Variants in MYLK observed in about 807,000 individuals in gnomAD.
MYLK encodes the protein myosin light chain kinase, smooth muscle.
MYLK carries 106 observed loss-of-function variants against 203.4 expected under a neutral mutation model. That is an observed-to-expected ratio of 0.52 (90% CI 0.45 to 0.61). The LOEUF (loss-of-function observed/expected upper bound fraction) is 0.61, where lower values mean the gene tolerates loss of function less well. Among genes scored for constraint, MYLK ranks in the 20% least tolerant of loss-of-function variants. The pLI, the probability that MYLK is intolerant of heterozygous loss-of-function variation, is 0.00. For missense variants in MYLK, 2,072 were observed against 2,442.3 expected (o/e 0.85, Z 3.20); for synonymous variants, 867 against 959.5 (o/e 0.90, Z 1.78).
At chr3:123,849,757 A>G (rs1248279913) in intron 2 of MYLK, among the ~76,000 whole-genome samples, 1 of 150,006 alleles carries the variant, frequency 6.7e-6, no homozygotes, top group Non-Finnish European at 1.5e-5. Context: ...ATTTTTTTTT[A>G]TTATACTTTA....
At chr3:123,730,054 T>A (rs1226359039) in intron 11 of MYLK, among the ~76,000 whole-genome samples, 1 of 151,944 alleles carries the variant, frequency 6.6e-6, no homozygotes, top group Admixed American at 6.6e-5. Flanking sequence ...TAGTGAGACC[T>A]CCATCTCTAC....
intron 2 of MYLK, among the ~76,000 whole-genome samples, chr3:123,846,538 G>A (rs555906526): frequency 3.3e-5 from 5 of 151,934 alleles, no homozygotes; most frequent in East Asian, 1.9e-4. Flanking sequence ...AATATTAAAC[G>A]TCTACTCAGG....
At chr3:123,831,319 C>A in intron 3 of MYLK, 2 of 1,239,076 alleles carry the variant, frequency 1.6e-6, no homozygotes, top group Non-Finnish European at 1.1e-6. Context: ...TTTCCACCAC[C>A]TTCGCCAGTT....
At chr3:123,707,207 G>A in intron 16 of MYLK, among the ~76,000 whole-genome samples, 1 of 152,200 alleles carries the variant, frequency 6.6e-6, no homozygotes, top group East Asian at 1.9e-4. Context: ...CCTACAACCA[G>A]TGAGGAGCTG....
intron 4 of MYLK, among the ~76,000 whole-genome samples, chr3:123,786,640 T>C (rs1254910174): frequency 6.6e-6 from 1 of 151,998 alleles, no homozygotes; most frequent in Non-Finnish European, 1.5e-5. Flanking sequence ...TTTTTCAAAA[T>C]AAAGAGTGTA....
rs1019739354 is a variant in MYLK at position 123,700,195 on chromosome 3, T to G, written c.3273A>C (p.Ser1091=). The change falls in exon 18 of 34, where the codon TCA becomes TCC. Residue 1091 remains serine, a synonymous_variant. Coordinates refer to ENST00000360304, the MANE Select transcript of MYLK (RefSeq NM_053025.4). ...AGGCTGGGGCTGTCCCCTGGCTCTC[T>G]GATCTCTTTTCATTATCTGTGGTCC... ...HAGTTDNEKR[S]ESQGTAPAFK... 6.2e-7 allele frequency: 1 copy of G among 1,614,026 alleles called. No individual in the cohort carries two copies. The highest frequency in any genetic ancestry group is 8.5e-7 in the Non-Finnish European group (1 of 1,180,010).
intron 4 of MYLK, among the ~76,000 whole-genome samples, chr3:123,782,926 T>C (rs953378823): frequency 1.3e-5 from 2 of 152,224 alleles, no homozygotes; most frequent in Admixed American, 6.5e-5. Flanking sequence ...GTGAACACAT[T>C]GATGGATTTT....
intron 3 of MYLK, among the ~76,000 whole-genome samples, chr3:123,813,821 C>T (rs140548047): frequency 3.9e-5 from 6 of 152,234 alleles, no homozygotes; most frequent in African/African-American, 1.2e-4. Flanking sequence ...AATTCACGGC[C>T]TCTTAAGCAC....
At chr3:123,812,677 T>C (rs2065600615) in intron 3 of MYLK, among the ~76,000 whole-genome samples, 2 of 152,200 alleles carry the variant, frequency 1.3e-5, no homozygotes, top group African/African-American at 2.4e-5. Context: ...CCTAGATGTC[T>C]CTTTACTTTG....
chr3:123,690,997 G>A (rs1425652750), intron 19 of MYLK, among the ~76,000 whole-genome samples: 2 of 152,134 alleles, frequency 1.3e-5, no homozygotes, highest in Non-Finnish European at 2.9e-5. Flanking sequence ...TATTCAGTAG[G>A]GGAAAAGGAA....
In MYLK at chr3:123,640,548, GAGGCC is replaced by G; in HGVS notation, c.4620-49_4620-45del. ...GGGGTGGTCAGGCCACAGGCTCATG[GAGGCC>G]AGGCTGGCAGGGAGTCTGGCCAGGG... On this transcript the variant is annotated intron_variant, in intron 27 of 33. Coordinates refer to ENST00000360304, the MANE Select transcript of MYLK (RefSeq NM_053025.4). This position sits in a 1 kb window ranked among gnomAD's most constrained non-coding sequence, Gnocchi z 4.3. 1.9e-6 allele frequency: 3 copies of G among 1,608,076 alleles called. No homozygotes were observed. In the African/African-American group the frequency reaches 4.0e-5, roughly 21 times the overall value.
At chr3:123,865,810 C>T (rs2032289853) in intron 2 of MYLK, among the ~76,000 whole-genome samples, 1 of 152,134 alleles carries the variant, frequency 6.6e-6, no homozygotes, top group Non-Finnish European at 1.5e-5. Context: ...CTTTGATCAA[C>T]AGAGTACGGC....
Position 123,793,731 on chromosome 3 carries a change from CA to C in MYLK, c.110del (p.Leu37CysfsTer28). 1 of 1,614,108 alleles carries C rather than the reference CA, an allele frequency of 6.2e-7. No homozygotes were observed. The highest frequency in any genetic ancestry group is 8.5e-7 in the Non-Finnish European group (1 of 1,180,018). ...MPLTEAPAFI[L>X]PPRNLCIKEG... The stretch of plus-strand genomic sequence containing the variant: ...CTTTGATGCAGAGGTTCCGAGGGGG[CA>C]AAATGAAAGCAGGGGCCTCTGTCAG... On this transcript the variant is annotated frameshift_variant, in exon 4 of 34. Transcript: ENST00000360304. LOFTEE classifies it high-confidence loss of function.
intron 19 of MYLK, among the ~76,000 whole-genome samples, chr3:123,687,812 C>T (rs2108493659): frequency 6.6e-6 from 1 of 152,250 alleles, no homozygotes; most frequent in East Asian, 1.9e-4. Flanking sequence ...GCTGGGACTA[C>T]AGGCATGCCC....
intron 3 of MYLK, among the ~76,000 whole-genome samples, chr3:123,828,159 C>T (rs889159857): frequency 1.3e-5 from 2 of 151,860 alleles, no homozygotes; most frequent in Non-Finnish European, 2.9e-5. Flanking sequence ...GCAGTCCCGA[C>T]CAAAAATGAC....
intron 15 of MYLK, 47 bp downstream of exon 15, chr3:123,708,651 C>A (rs759006218): frequency 2.5e-6 from 4 of 1,609,014 alleles, no homozygotes; most frequent in Non-Finnish European, 2.5e-6. Context: ...TTTGGAGGGG[C>A]TGCAGCAGCA....
At chr3:123,758,505 GTC>G (rs1260371466) in intron 4 of MYLK, among the ~76,000 whole-genome samples, 6 of 152,122 alleles carry the variant, frequency 3.9e-5, no homozygotes. Flanking sequence ...GATGCTCAAA[GTC>G]TCTTTCTCTG....
chr3:123,715,281 G>A (rs377470076), intron 13 of MYLK, among the ~76,000 whole-genome samples: 80 of 152,342 alleles, frequency 5.3e-4, no homozygotes, highest in African/African-American at 1.8e-3. Flanking sequence ...GAAAGCCCAT[G>A]GGCTGAAGCA....
rs536963281 is a variant in MYLK at position 123,742,919 on chromosome 3, C to T, written c.374-2918G>A. 2.6e-5 allele frequency among the ~76,000 whole-genome samples: 4 copies of T among 152,138 alleles called. No homozygotes were observed. In the East Asian group the frequency reaches 7.7e-4, roughly 29 times the overall value. ...GTTCATATGAAATGTCCAGGAGAGG[C>T]AAATCCATAGAGAAAGATGGTGGTT... On this transcript the variant is annotated intron_variant, in intron 5 of 33. Coordinates refer to ENST00000360304, the MANE Select transcript of MYLK (RefSeq NM_053025.4).
Sources: allele counts gnomAD v4.1 joint callset (sites outside exome capture counted in the v4.1 genomes callset), GRCh38; gene constraint gnomAD v4.1.1; non-coding constraint Gnocchi (gnomAD v3.1); transcripts MANE v1.5; gene names NCBI Gene and HGNC (gene_info 2026-07-23, HGNC 2026-07-21).